NSMCE2: variants seen among roughly 807,000 people sequenced by gnomAD.
The protein encoded by NSMCE2 is E3 SUMO-protein ligase NSE2.
In NSMCE2, 24 loss-of-function variants were observed where a neutral mutation model predicts 23.8. That is an observed-to-expected ratio of 1.01 (90% CI 0.73 to 1.42). NSMCE2 has a LOEUF of 1.42. Ranked by LOEUF, NSMCE2 falls within the 40% of genes most tolerant of loss-of-function variation. NSMCE2 has a pLI of 0.00. For synonymous variants in NSMCE2, 92 were observed against 94.1 expected (o/e 0.98, Z 0.13); for missense variants, 284 against 296.5 (o/e 0.96, Z 0.31).
intron 5 of NSMCE2, among the ~76,000 whole-genome samples, chr8:125,277,295 A>G (rs1827487852): frequency 6.6e-6 from 1 of 152,024 alleles, no homozygotes; most frequent in Admixed American, 6.6e-5. Flanking sequence ...GCTCCTGAGA[A>G]AGGTATCTCC....
At chr8:125,363,945 T>TTGTTG (rs1813677338) in intron 7 of NSMCE2, among the ~76,000 whole-genome samples, 1 of 151,892 alleles carries the variant, frequency 6.6e-6, no homozygotes, top group Non-Finnish European at 1.5e-5. Flanking sequence ...TTTTTTTTGT[T>TTGTTG]TGTTTTGTTT....
chr8:125,175,772 A>G (rs28469260), intron 4 of NSMCE2, among the ~76,000 whole-genome samples: 11,610 of 152,344 alleles, frequency 0.076, 549 homozygotes, highest in Middle Eastern at 0.28. Flanking sequence ...AAAATGACAC[A>G]CTTTAAGTAA....
At chr8:125,204,606 G>A (rs1824030444) in intron 5 of NSMCE2, among the ~76,000 whole-genome samples, 1 of 152,176 alleles carries the variant, frequency 6.6e-6, no homozygotes, top group Non-Finnish European at 1.5e-5. Flanking sequence ...AAATATAGTA[G>A]TAGCTTGTTT....
chr8:125,245,691 A>T (rs895492513), intron 5 of NSMCE2, among the ~76,000 whole-genome samples: 1 of 152,222 alleles, frequency 6.6e-6, no homozygotes, highest in African/African-American at 2.4e-5. Flanking sequence ...CAATAAAATG[A>T]TCAATCTAAG....
chr8:125,093,155 C>G (rs951538315), intron 1 of NSMCE2, among the ~76,000 whole-genome samples: 1 of 152,138 alleles, frequency 6.6e-6, no homozygotes. Context: ...AGTTCCGGGG[C>G]CTGTTTCCTG....
At chr8:125,249,963 G>T (rs751065540) in intron 5 of NSMCE2, among the ~76,000 whole-genome samples, 2 of 152,114 alleles carry the variant, frequency 1.3e-5, no homozygotes, top group Admixed American at 1.3e-4. Flanking sequence ...TTGGGAAACA[G>T]TATTTTATTA....
chr8:125,249,371 T>C (rs561967867), intron 5 of NSMCE2, among the ~76,000 whole-genome samples: 2 of 152,190 alleles, frequency 1.3e-5, no homozygotes, highest in Non-Finnish European at 2.9e-5. Context: ...ACATCACAGC[T>C]GACAGTCCAT....
At chr8:125,149,557 T>A (rs1057461516) in intron 3 of NSMCE2, among the ~76,000 whole-genome samples, 2 of 152,212 alleles carry the variant, frequency 1.3e-5, no homozygotes, top group African/African-American at 4.8e-5. Flanking sequence ...GAAATTTTTA[T>A]GTTCCTGTGT....
rs1273897203 is a variant in NSMCE2, at chr8:125,327,457, ATGT to A, written c.419-29758_419-29756del. On this transcript the variant is annotated intron_variant, in intron 5 of 7. Coordinates refer to ENST00000287437, the MANE Select transcript of NSMCE2 (RefSeq NM_173685.4). The stretch of plus-strand genomic sequence containing the variant: ...AAGATAATTCTGGGTTAGAAAATTG[ATGT>A]TGTGGGTTTGTCCCAAATAACTAAA... 2.6e-5 allele frequency among the ~76,000 whole-genome samples: 4 copies of A among 152,096 alleles called. 1 individual carries two copies.
At chr8:125,151,980 T>C (rs1050487425) in intron 4 of NSMCE2, among the ~76,000 whole-genome samples, 1 of 152,234 alleles carries the variant, frequency 6.6e-6, no homozygotes, top group African/African-American at 2.4e-5. Flanking sequence ...TCTGGTTTCG[T>C]TATTTGCCTT....
At chr8:125,104,685 C>A (rs565272844) in intron 3 of NSMCE2, among the ~76,000 whole-genome samples, 1 of 152,270 alleles carries the variant, frequency 6.6e-6, no homozygotes, top group South Asian at 2.1e-4. Context: ...CTCTTGCAAA[C>A]CCTGCTGGCT....
chr8:125,357,195 T>TA (rs1813318445), intron 5 of NSMCE2, 24 bp from the exon 6 acceptor site: 8 of 1,450,460 alleles, frequency 5.5e-6, no homozygotes, highest in African/African-American at 2.8e-5. Context: ...CAGAGAGGCT[T>TA]ATCAACTCTC....
chr8:125,220,941 T>C (rs1210718366), intron 5 of NSMCE2, among the ~76,000 whole-genome samples: 1 of 152,224 alleles, frequency 6.6e-6, no homozygotes, highest in Non-Finnish European at 1.5e-5. Flanking sequence ...GGGCTTTCTC[T>C]AACTTGGGCC....
intron 5 of NSMCE2, among the ~76,000 whole-genome samples, chr8:125,206,826 A>G (rs1239560673): frequency 3.3e-5 from 5 of 152,066 alleles, no homozygotes; most frequent in African/African-American, 1.2e-4. Flanking sequence ...GAGGGGGAGA[A>G]AGGCTTTTCA....
At chr8:125,322,282 C>G (rs1245173838) in intron 5 of NSMCE2, among the ~76,000 whole-genome samples, 1 of 152,110 alleles carries the variant, frequency 6.6e-6, no homozygotes, top group East Asian at 1.9e-4. Flanking sequence ...GCAGGAGGAT[C>G]ACTTGAGCCC....
intron 3 of NSMCE2, among the ~76,000 whole-genome samples, chr8:125,144,032 A>G (rs575880352): frequency 5.3e-5 from 8 of 152,294 alleles, no homozygotes; most frequent in South Asian, 2.1e-4. Context: ...ATGTGTGTGG[A>G]CGTGATAGGG....
chr8:125,138,798 G>A (rs1334766633), intron 3 of NSMCE2, among the ~76,000 whole-genome samples: 1 of 152,110 alleles, frequency 6.6e-6, no homozygotes, highest in Non-Finnish European at 1.5e-5. Flanking sequence ...TTGAAGCACT[G>A]GAATCTGGAA....
intron 5 of NSMCE2, among the ~76,000 whole-genome samples, chr8:125,209,387 G>A (rs1012271406): frequency 6.6e-6 from 1 of 152,090 alleles, no homozygotes; most frequent in Non-Finnish European, 1.5e-5. Context: ...AAATAATTGG[G>A]GGAATTTCCT....
intron 1 of NSMCE2, among the ~76,000 whole-genome samples, chr8:125,099,717 G>T (rs998800350): frequency 2.8e-4 from 42 of 152,132 alleles, no homozygotes; most frequent in African/African-American, 8.7e-4. Flanking sequence ...GAGTGATAGA[G>T]ATGGAACCCT....
Sources: gnomAD v4.1 joint callset for allele counts (sites outside exome capture counted in the v4.1 genomes callset) on GRCh38, gnomAD v4.1.1 for gene constraint, MANE v1.5 for transcripts, NCBI Gene and HGNC (gene_info 2026-07-23, HGNC 2026-07-21) for gene names.